JPH3: variants seen among roughly 807,000 people sequenced by gnomAD.
The protein encoded by JPH3 is junctophilin-3.
In JPH3, 11 loss-of-function variants were observed where a neutral mutation model predicts 59.6. That is an observed-to-expected ratio of 0.18 (90% CI 0.12 to 0.31). The LOEUF (loss-of-function observed/expected upper bound fraction) is 0.31, where lower values mean the gene tolerates loss of function less well. Ranked by LOEUF, JPH3 falls within the 10% of genes least tolerant of loss-of-function variation. JPH3 has a pLI of 1.00. For missense variants in JPH3, 1,202 were observed against 1,105.7 expected (o/e 1.09, Z -1.24); for synonymous variants, 673 against 483.6 (o/e 1.39, Z -5.14).
At chr16:87,625,864 C>A (rs919446843) in intron 1 of JPH3, among the ~76,000 whole-genome samples, 4 of 151,936 alleles carry the variant, frequency 2.6e-5, no homozygotes, top group Non-Finnish European at 5.9e-5. Context: ...ATGGCATGTT[C>A]ACCCCATACC....
chr16:87,673,107 T>A (rs953025667), intron 2 of JPH3, among the ~76,000 whole-genome samples: 16 of 151,772 alleles, frequency 1.1e-4, no homozygotes, highest in Non-Finnish European at 5.9e-5. Context: ...GATCGCACCG[T>A]TGCACTCCAG....
At chr16:87,693,517 A>G (rs1264328965) in intron 4 of JPH3, 1 of 152,288 alleles carries the variant, frequency 6.6e-6, no homozygotes, top group Non-Finnish European at 1.5e-5. Context: ...CCACTTAAAA[A>G]TACAAAAATT....
At chr16:87,686,003 G>C (rs1389012201) in intron 3 of JPH3, among the ~76,000 whole-genome samples, 1 of 152,220 alleles carries the variant, frequency 6.6e-6, no homozygotes, top group Non-Finnish European at 1.5e-5. Flanking sequence ...CCTTAGAAGA[G>C]ACAGAAGAGG....
intron 1 of JPH3, chr16:87,604,596 G>C: frequency 2.5e-6 from 3 of 1,218,812 alleles, no homozygotes; most frequent in Non-Finnish European, 3.1e-6. Context: ...GCAATGACTT[G>C]TGCTTCTGCC....
intron 4 of JPH3, among the ~76,000 whole-genome samples, chr16:87,691,771 A>G (rs1419495830): frequency 2.0e-5 from 3 of 151,832 alleles, no homozygotes; most frequent in Non-Finnish European, 1.5e-5. Context: ...AACAGCCCCT[A>G]TGCTCCTGCT....
chr16:87,640,372 G>A (rs77349622), intron 1 of JPH3, among the ~76,000 whole-genome samples: 27,077 of 150,966 alleles, frequency 0.18, 2,861 homozygotes, highest in East Asian at 0.38. Context: ...CCAGGTAATC[G>A]ACAAATGCTT....
rs144975558 is a variant in JPH3 at position 87,671,453 on chromosome 16, C to A, written c.1161-12689C>A. Among the ~76,000 whole-genome samples the A allele has an allele frequency of 4.3e-3, 650 of 152,328 alleles. 3 individuals carry two copies. Among genetic ancestry groups the A allele is most frequent in the Middle Eastern group, 0.01 (3 of 294 alleles). ...CTCAGCCAGGGCCACTCACCAGCGCCACCTGGTATGTCCTGGGTGGCGGCC... is the reference window on the plus strand; with the variant it reads ...CTCAGCCAGGGCCACTCACCAGCGCAACCTGGTATGTCCTGGGTGGCGGCC... On this transcript the variant is annotated intron_variant, in intron 2 of 4. Transcript: ENST00000284262.
intron 2 of JPH3, among the ~76,000 whole-genome samples, chr16:87,672,282 A>C (rs1476946319): frequency 6.6e-6 from 1 of 152,164 alleles, no homozygotes; most frequent in African/African-American, 2.4e-5. Flanking sequence ...GAAACTGGCA[A>C]GAGTCCCTCT....
intron 1 of JPH3, chr16:87,604,913 C>G (rs542068800): frequency 1.2e-4 from 54 of 443,266 alleles, no homozygotes; most frequent in South Asian, 7.7e-4. Flanking sequence ...GGAGAGCTTC[C>G]CTGACCCTGG....
intron 4 of JPH3, among the ~76,000 whole-genome samples, chr16:87,696,327 A>C (rs1390811718): frequency 6.6e-6 from 1 of 151,960 alleles, no homozygotes; most frequent in Non-Finnish European, 1.5e-5. Flanking sequence ...TCGGGGCCAC[A>C]AGGGAATTCC....
chr16:87,679,571 T>C (rs1282959658), intron 2 of JPH3, among the ~76,000 whole-genome samples: 2 of 152,050 alleles, frequency 1.3e-5, no homozygotes, highest in Non-Finnish European at 2.9e-5. Context: ...TTATGGTTTT[T>C]AAAACCCTGC....
chr16:87,696,281 T>C (rs2033848603), intron 4 of JPH3: 6 of 498,612 alleles, frequency 1.2e-5, no homozygotes, highest in Middle Eastern at 5.6e-4. Flanking sequence ...GGTGGTTCTC[T>C]CCAAGGGGAC....
At chr16:87,645,101 T>C in intron 2 of JPH3, 66 bp downstream of exon 2, 1 of 1,500,136 alleles carries the variant, frequency 6.7e-7, no homozygotes, top group Non-Finnish European at 9.0e-7. Flanking sequence ...CCCAGTCTGT[T>C]CAGTCCTGCT....
chr16:87,677,243 G>A lies in JPH3; in HGVS notation c.1161-6899G>A, dbSNP rs544720682. On this transcript the variant is annotated intron_variant, in intron 2 of 4. Transcript: ENST00000284262. ...ACACACACAAAAAAAAAAATTAGCC[G>A]GGTGTGGTGGGCGCCTGTAATCCCA... 4.0e-3 allele frequency among the ~76,000 whole-genome samples: 426 copies of A among 107,240 alleles called. 17 individuals are homozygous for A. The highest frequency in any genetic ancestry group is 0.014 in the African/African-American group (407 of 28,770). The allele number at this position is 107,240 out of a possible 152,430, so 70.4% of individuals were successfully genotyped here. A position where few individuals can be genotyped will look rare whatever the true frequency, so the allele number is the denominator to read the frequency against.
chr16:87,624,944 C>T (rs2031316151), intron 1 of JPH3, among the ~76,000 whole-genome samples: 1 of 152,188 alleles, frequency 6.6e-6, no homozygotes, highest in African/African-American at 2.4e-5. Context: ...GGATTATAGG[C>T]ATGCGCCACC....
At chr16:87,689,026 C>A (rs1179368299) in intron 3 of JPH3, among the ~76,000 whole-genome samples, 1 of 152,166 alleles carries the variant, frequency 6.6e-6, no homozygotes, top group Admixed American at 6.5e-5. Flanking sequence ...ACTCTGCTGG[C>A]TGCAGAGCTG....
chr16:87,693,350 C>T lies in JPH3; in HGVS notation c.2166+2824C>T, dbSNP rs142874369. 3.9e-3 allele frequency among the ~76,000 whole-genome samples: 598 copies of T among 152,338 alleles called. 5 individuals carry two copies. The highest frequency in any genetic ancestry group is 0.013 in the African/African-American group (556 of 41,580). ...ACAAAGCCCTTTGCTGACTGGGGTT[C>T]AGCTTATCTGTTGAGCAAACTTTTT... On this transcript the variant is annotated intron_variant, in intron 4 of 4. Transcript: ENST00000284262.
At chr16:87,615,735 A>G (rs904957653) in intron 1 of JPH3, among the ~76,000 whole-genome samples, 1 of 152,208 alleles carries the variant, frequency 6.6e-6, no homozygotes, top group Non-Finnish European at 1.5e-5. Flanking sequence ...AGCCAGGGCC[A>G]TTCAATGCAG....
chr16:87,663,510 C>T (rs530466581), intron 2 of JPH3, among the ~76,000 whole-genome samples: 1 of 152,326 alleles, frequency 6.6e-6, no homozygotes, highest in South Asian at 2.1e-4. Flanking sequence ...GGAACAGTTT[C>T]AAGATAACAC....
Sources: gnomAD v4.1 joint callset for allele counts (sites outside exome capture counted in the v4.1 genomes callset) on GRCh38, gnomAD v4.1.1 for gene constraint, MANE v1.5 for transcripts, NCBI Gene and HGNC (gene_info 2026-07-23, HGNC 2026-07-21) for gene names.